The following PHF21B variants were observed in gnomAD, a reference collection of about 807,000 sequenced individuals.
PHF21B encodes the protein PHD finger protein 4.
In PHF21B, 22 loss-of-function variants were observed where a neutral mutation model predicts 62.2. The ratio of observed to expected loss-of-function variants is 0.35; its 90% CI spans 0.25 to 0.51. The LOEUF (loss-of-function observed/expected upper bound fraction) is 0.51. Ranked by LOEUF, PHF21B falls within the 20% of genes least tolerant of loss-of-function variation. PHF21B has a pLI of 0.97. For synonymous variants in PHF21B, 341 were observed against 314.7 expected, an observed-to-expected ratio of 1.08 and a Z score of -0.88; for missense variants, 701 against 707.9, an observed-to-expected ratio of 0.99 and a Z score of 0.11.
chr22:44,917,093 GGCT>G (rs2071450460), intron 3 of PHF21B, among the ~76,000 whole-genome samples: 1 of 152,208 alleles, frequency 6.6e-6, no homozygotes, highest in Non-Finnish European at 1.5e-5. Flanking sequence ...TCTGGGTGGG[GGCT>G]GCTGCTGCGC....
chr22:44,888,283 G>T (rs1345339404), intron 9 of PHF21B, among the ~76,000 whole-genome samples, 162 bp from the exon 10 acceptor site: 1 of 152,222 alleles, frequency 6.6e-6, no homozygotes. Flanking sequence ...AAACCCTGGA[G>T]GGCGACAGTG....
Position 45,009,554 on chromosome 22 carries a change from G to A in PHF21B, c.-5C>T. ...GGGCCGGCTCTGCAGCTCCATCCCGGCAACTTGGGCAGCACTTTGCGCTCA... is the reference window on the plus strand; with the variant it reads ...GGGCCGGCTCTGCAGCTCCATCCCGACAACTTGGGCAGCACTTTGCGCTCA... On this transcript the variant is annotated 5_prime_UTR_variant, in exon 1 of 13. Transcript: ENST00000313237. This position sits in a 1 kb window ranked among gnomAD's most constrained non-coding sequence, Gnocchi z 5.9. 1.3e-6 allele frequency: 2 copies of A among 1,571,994 alleles called. No individual in the cohort carries two copies. The highest frequency in any genetic ancestry group is 1.7e-6 in the Non-Finnish European group (2 of 1,168,760).
chr22:44,920,271 G>A (rs899134449), intron 3 of PHF21B, 127 bp downstream of exon 3: 3 of 558,510 alleles, frequency 5.4e-6, no homozygotes, highest in Middle Eastern at 4.9e-4. Flanking sequence ...AGGGGAAGGT[G>A]CAGCTGAGAG....
chr22:44,931,917 G>C (rs1415565081), intron 2 of PHF21B, among the ~76,000 whole-genome samples: 1 of 152,202 alleles, frequency 6.6e-6, no homozygotes, highest in African/African-American at 2.4e-5. Context: ...TCTCAGAGAA[G>C]GACTGGCACA....
chr22:44,936,848 G>T (rs1220626677), intron 2 of PHF21B, among the ~76,000 whole-genome samples: 7 of 147,350 alleles, frequency 4.8e-5, no homozygotes, highest in African/African-American at 1.7e-4. Flanking sequence ...TAAGACAAAA[G>T]TTGTGGACAT....
At chr22:44,900,426 G>A (rs1286002765) in intron 5 of PHF21B, among the ~76,000 whole-genome samples, 4 of 152,052 alleles carry the variant, frequency 2.6e-5, no homozygotes, top group African/African-American at 4.8e-5. Flanking sequence ...TCAGTCTCCC[G>A]AGTAGCTGGG....
At chr22:44,926,056 C>CCTG (rs1478407817) in intron 2 of PHF21B, among the ~76,000 whole-genome samples, 33 of 151,404 alleles carry the variant, frequency 2.2e-4, no homozygotes, top group East Asian at 3.9e-4. Flanking sequence ...GTGGCCCGGC[C>CCTG]TGCAGTGGAT....
chr22:44,998,352 T>C (rs1210838903), intron 2 of PHF21B, among the ~76,000 whole-genome samples: 2 of 152,222 alleles, frequency 1.3e-5, no homozygotes, highest in African/African-American at 4.8e-5. Flanking sequence ...AAGAAAACTC[T>C]GGTGAAGTAA....
chr22:44,982,195 C>T (rs193155715), intron 2 of PHF21B, among the ~76,000 whole-genome samples: 1 of 152,318 alleles, frequency 6.6e-6, no homozygotes, highest in Admixed American at 6.5e-5. Context: ...TGAGGGGAAC[C>T]CGGTGTCCCT....
At chr22:44,884,293 TCACCACCAC>T (rs138736379) in intron 12 of PHF21B, among the ~76,000 whole-genome samples, 40 of 109,776 alleles carry the variant, frequency 3.6e-4, no homozygotes, top group African/African-American at 1.8e-3. Context: ...ATCACCATTA[TCACCACCAC>T]CACCATCACT....
At chr22:44,888,222 T>C in intron 9 of PHF21B, 101 bp from the exon 10 acceptor site, 2 of 1,266,012 alleles carry the variant, frequency 1.6e-6, no homozygotes, top group Non-Finnish European at 2.1e-6. Flanking sequence ...GACCTACATG[T>C]GGCCGCTCTT....
At chr22:44,970,078 G>A (rs929439600) in intron 2 of PHF21B, among the ~76,000 whole-genome samples, 1 of 152,246 alleles carries the variant, frequency 6.6e-6, no homozygotes, top group Non-Finnish European at 1.5e-5. Context: ...GGCACTCGGG[G>A]AAGCCAGAGC....
At chr22:44,911,736 G>A (rs1216933714) in intron 5 of PHF21B, among the ~76,000 whole-genome samples, 2 of 152,268 alleles carry the variant, frequency 1.3e-5, no homozygotes, top group Non-Finnish European at 2.9e-5. Flanking sequence ...TGCTAGGGCA[G>A]TGCAGAAGGG....
chr22:45,006,757 C>G (rs1483754955), intron 2 of PHF21B, among the ~76,000 whole-genome samples: 1 of 151,914 alleles, frequency 6.6e-6, no homozygotes, highest in Non-Finnish European at 1.5e-5. Flanking sequence ...TCTTTTAAAT[C>G]TTCTAGGAGC....
At chr22:44,942,452 C>A (rs561808903) in intron 2 of PHF21B, among the ~76,000 whole-genome samples, 1 of 152,308 alleles carries the variant, frequency 6.6e-6, no homozygotes, top group South Asian at 2.1e-4. Flanking sequence ...AGACTTCATC[C>A]CCCCAGCTCT....
chr22:44,982,852 G>A (rs1356071941), intron 2 of PHF21B, among the ~76,000 whole-genome samples: 1 of 152,026 alleles, frequency 6.6e-6, no homozygotes, highest in Non-Finnish European at 1.5e-5. Context: ...GCTACCAGGA[G>A]GAGCCAGAAG....
At position 45,008,723 on chromosome 22, in the gene PHF21B, G is replaced by A. The variant is rs954687963; in HGVS notation, c.55-113C>T. ...AGCCCCACGGGCGGGGCCGGCCGCA[G>A]CGCACCCCAAGTTTCCCGGGCCGCG... On this transcript the variant is annotated intron_variant, in intron 1 of 12. Coordinates refer to ENST00000313237, the MANE Select transcript of PHF21B (RefSeq NM_138415.5). 2.6e-6 allele frequency: 3 copies of A among 1,168,440 alleles called. No individual in the cohort carries two copies. The African/African-American group carries it at 4.9e-5, about 19-fold the overall frequency. 72.4% of individuals were successfully genotyped at this position (1,168,440 alleles called of 1,614,324 possible).
chr22:44,939,016 C>G (rs1339420849), intron 2 of PHF21B, among the ~76,000 whole-genome samples: 1 of 152,250 alleles, frequency 6.6e-6, no homozygotes, highest in Non-Finnish European at 1.5e-5. Flanking sequence ...CTGGGCTGCA[C>G]ACACACGGCG....
intron 12 of PHF21B, among the ~76,000 whole-genome samples, chr22:44,884,423 GATCACCATT>G (rs1261441552): frequency 2.6e-5 from 1 of 38,446 alleles, no homozygotes; most frequent in Non-Finnish European, 6.4e-5. Context: ...CCACCACCAT[GATCACCATT>G]ATCACCACCA....
Sources: gnomAD v4.1 joint callset for allele counts (sites outside exome capture counted in the v4.1 genomes callset) on GRCh38, gnomAD v4.1.1 for gene constraint, Gnocchi (gnomAD v3.1) non-coding constraint, MANE v1.5 for transcripts, NCBI Gene and HGNC (gene_info 2026-07-23, HGNC 2026-07-21) for gene names.